The following PCDHGA4 variants were observed in gnomAD, a reference collection of about 807,000 sequenced individuals.
The protein encoded by PCDHGA4 is protocadherin gamma-A4.
In PCDHGA4, 38 loss-of-function variants were observed where a neutral mutation model predicts 54.6. That is an observed-to-expected ratio of 0.70 (90% CI 0.54 to 0.91). PCDHGA4 has a LOEUF of 0.91. Among genes scored for constraint, PCDHGA4 ranks in the 40% least tolerant of loss-of-function variants. The probability of loss-of-function intolerance (pLI) is 0.00; values close to 1 mark genes in which losing one functional copy is unlikely to be tolerated. For missense variants in PCDHGA4, 1,298 were observed against 1,220.9 expected (o/e 1.06, Z -0.94); for synonymous variants, 511 against 512.9 (o/e 1.00, Z 0.05).
intron 2 of PCDHGA4, among the ~76,000 whole-genome samples, chr5:141,500,904 C>T (rs2099803610): frequency 6.6e-6 from 1 of 151,662 alleles, no homozygotes; most frequent in Non-Finnish European, 1.5e-5. Context: ...CAGTCTCGCT[C>T]TGTCTCCAGG....
Position 141,489,555 on chromosome 5 carries a change from A to G in PCDHGA4, c.2515-5252A>G, listed in dbSNP as rs909307566. ...GAGCCAGCACCAGCTGCCTGCTGCC[A>G]GTGCAGGTGGTGACTGAACACCCCC... is the stretch of plus-strand genomic sequence containing the variant. On this transcript the variant is annotated intron_variant, in intron 1 of 3. Transcript: ENST00000571252. The surrounding 1 kb of genome is among the most constrained non-coding windows in gnomAD (Gnocchi z 4.5). 2.5e-6 allele frequency: 4 copies of G among 1,613,998 alleles called. No homozygotes were observed. The African/African-American group carries it at 5.3e-5, about 22-fold the overall frequency.
intron 1 of PCDHGA4, among the ~76,000 whole-genome samples, chr5:141,370,010 TAAC>T (rs1460058955): frequency 6.6e-6 from 1 of 152,172 alleles, no homozygotes; most frequent in African/African-American, 2.4e-5. Context: ...TTAAAAGAAA[TAAC>T]AGACTAAAGA....
intron 1 of PCDHGA4, chr5:141,370,814 G>A (rs1177067134): frequency 9.9e-6 from 16 of 1,613,906 alleles, no homozygotes; most frequent in Non-Finnish European, 1.4e-5. Flanking sequence ...TCACTGAGCT[G>A]GAAATCAGCG....
intron 1 of PCDHGA4, chr5:141,399,841 G>C: frequency 6.2e-7 from 1 of 1,613,086 alleles, no homozygotes; most frequent in Non-Finnish European, 8.5e-7. Context: ...TGCGCTCTTC[G>C]ATATGGTGCC....
At chr5:141,390,414 G>A in intron 1 of PCDHGA4, 1 of 1,159,988 alleles carries the variant, frequency 8.6e-7, no homozygotes, top group Non-Finnish European at 1.2e-6. Context: ...GTTGTAGTCA[G>A]TTAAAAAGCT....
chr5:141,454,956 G>A (rs62379171), intron 1 of PCDHGA4, among the ~76,000 whole-genome samples: 5,077 of 149,940 alleles, frequency 0.034, 97 homozygotes, highest in Middle Eastern at 0.091. Context: ...TACAGGCGCC[G>A]GCCACCACGC....
Position 141,489,245 on chromosome 5 carries a change from G to A in PCDHGA4, c.2515-5562G>A, listed in dbSNP as rs773391205. 3 of 1,536,634 alleles carry A rather than the reference G, an allele frequency of 2.0e-6. No homozygotes were observed. The South Asian group carries it at 3.9e-5, about 20-fold the overall frequency. On this transcript the variant is annotated intron_variant, in intron 1 of 3. Transcript: ENST00000571252. The surrounding 1 kb of genome is among the most constrained non-coding windows in gnomAD (Gnocchi z 4.5). The stretch of plus-strand genomic sequence containing the variant: ...CCACAAAGGGACTTCTGGGTCATGG[G>A]GCCCAAGACACTCCCACAGCTCGCT...
chr5:141,428,446 T>C lies in PCDHGA4; in HGVS notation c.2515-66361T>C, dbSNP rs575475897. On this transcript the variant is annotated intron_variant, in intron 1 of 3. Coordinates refer to ENST00000571252, the MANE Select transcript of PCDHGA4 (RefSeq NM_018917.4). The stretch of plus-strand genomic sequence containing the variant: ...CTGTTCTAAGACTAGACCAGGGGTT[T>C]TTCCCAACTACAATGAGGGAACTTT... 4.2e-5 allele frequency: 16 copies of C among 378,218 alleles called. No homozygotes were observed. The East Asian group carries it at 8.8e-4, about 21-fold the overall frequency. 23.4% of individuals were successfully genotyped at this position (378,218 alleles called of 1,614,324 possible). A position where few individuals can be genotyped will look rare whatever the true frequency, so the allele number is the denominator to read the frequency against.
At chr5:141,464,862 C>T (rs1166573359) in intron 1 of PCDHGA4, among the ~76,000 whole-genome samples, 1 of 152,076 alleles carries the variant, frequency 6.6e-6, no homozygotes, top group African/African-American at 2.4e-5. Context: ...CCTTAGCCTC[C>T]CAAGTAGCTA....
chr5:141,366,894 T>A, intron 1 of PCDHGA4: 1 of 1,215,552 alleles, frequency 8.2e-7, no homozygotes, highest in Non-Finnish European at 1.1e-6. Flanking sequence ...TTTATATAAT[T>A]CATGCTTTCT....
At position 141,355,356 on chromosome 5, in the gene PCDHGA4, G is replaced by A. The variant is rs1206306713; in HGVS notation, c.249G>A (p.Leu83=). The change falls in exon 1 of 4, where the codon CTG becomes CTA. Residue 83 remains leucine, a synonymous_variant. Transcript: ENST00000571252. ...GSVVGNIAKD[L]GLAPRELAER... The stretch of plus-strand genomic sequence containing the variant: ...TGGTGGGCAACATCGCCAAGGACCT[G>A]GGGTTGGCGCCCCGGGAGCTGGCGG... 7 of 1,614,044 alleles carry A rather than the reference G, an allele frequency of 4.3e-6. No individual in the cohort carries two copies. In the East Asian group the frequency reaches 1.1e-4, roughly 26 times the overall value.
intron 1 of PCDHGA4, among the ~76,000 whole-genome samples, chr5:141,402,517 G>A (rs2094277430): frequency 6.6e-6 from 1 of 152,024 alleles, no homozygotes; most frequent in African/African-American, 2.4e-5. Context: ...ATTAAGCAAT[G>A]GTTTGTGATT....
rs542548063 is a variant in PCDHGA4, at chr5:141,412,999, C to T, written c.2514+55378C>T. On this transcript the variant is annotated intron_variant, in intron 1 of 3. Coordinates refer to ENST00000571252, the MANE Select transcript of PCDHGA4 (RefSeq NM_018917.4). Reference sequence around the variant, plus strand: ...GCAGCCAGAGCTCAATCCGGATTCTCAGGGCTTCAACTACACAAGCCCCAC... The same window carrying T: ...GCAGCCAGAGCTCAATCCGGATTCTTAGGGCTTCAACTACACAAGCCCCAC... 150 of 588,234 alleles carry T rather than the reference C, an allele frequency of 2.6e-4. 1 individual carries two copies. In the South Asian group the frequency reaches 3.6e-3, roughly 14 times the overall value. 36.4% of individuals were successfully genotyped at this position (588,234 alleles called of 1,614,324 possible). A position where few individuals can be genotyped will look rare whatever the true frequency, so the allele number is the denominator to read the frequency against.
intron 1 of PCDHGA4, chr5:141,385,343 T>C: frequency 1.3e-6 from 2 of 1,568,526 alleles, no homozygotes; most frequent in Non-Finnish European, 1.7e-6. Flanking sequence ...GCCCTTCCTT[T>C]ATTTCCATGA....
intron 1 of PCDHGA4, among the ~76,000 whole-genome samples, chr5:141,406,069 C>G (rs72790037): frequency 0.11 from 16,670 of 145,514 alleles, 1,088 homozygotes; most frequent in African/African-American, 0.2. Flanking sequence ...AAAATTCTTA[C>G]TCCTTTTTTT....
chr5:141,439,065 C>T (rs571768018), intron 1 of PCDHGA4, among the ~76,000 whole-genome samples: 13 of 151,628 alleles, frequency 8.6e-5, no homozygotes, highest in East Asian at 7.9e-4. Flanking sequence ...GTGTGGCAGG[C>T]GCCTGTAATC....
At position 141,394,297 on chromosome 5, in the gene PCDHGA4, C is replaced by T. The variant is rs375160983; in HGVS notation, c.2514+36676C>T. 8.1e-6 allele frequency: 13 copies of T among 1,613,872 alleles called. No homozygotes were observed. Among genetic ancestry groups the T allele is most frequent in the African/African-American group, 1.3e-5 (1 of 74,926 alleles). ...GTCACTTACTCTGTGACCGAGGACA[C>T]GCTGCAGGGGGCGCCCCTGTCCTCG... On this transcript the variant is annotated intron_variant, in intron 1 of 3. Coordinates refer to ENST00000571252, the MANE Select transcript of PCDHGA4 (RefSeq NM_018917.4).
At chr5:141,361,494 A>G (rs760056101) in intron 1 of PCDHGA4, 66 of 1,613,860 alleles carry the variant, frequency 4.1e-5, no homozygotes, top group Non-Finnish European at 5.4e-5. Flanking sequence ...CAGTTTTCCA[A>G]CAGACTTCCT....
At chr5:141,399,134 A>G (rs2093758534) in intron 1 of PCDHGA4, 6 of 1,613,856 alleles carry the variant, frequency 3.7e-6, no homozygotes, top group Non-Finnish European at 5.1e-6. Flanking sequence ...ATTCAAGATG[A>G]AAATGACAAT....
Sources: gnomAD v4.1 joint callset for allele counts (sites outside exome capture counted in the v4.1 genomes callset) on GRCh38, gnomAD v4.1.1 for gene constraint, Gnocchi (gnomAD v3.1) non-coding constraint, MANE v1.5 for transcripts, NCBI Gene and HGNC (gene_info 2026-07-23, HGNC 2026-07-21) for gene names.